NELL1: variants seen among roughly 807,000 people sequenced by gnomAD.
NELL1 encodes protein kinase C-binding protein NELL1.
Under a neutral mutation model 107.4 loss-of-function variants are expected in NELL1, and 76 were observed. That is an observed-to-expected ratio of 0.71 (90% CI 0.59 to 0.86). The LOEUF (loss-of-function observed/expected upper bound fraction) is 0.86, where lower values mean the gene tolerates loss of function less well. Among genes scored for constraint, NELL1 ranks in the 40% least tolerant of loss-of-function variants. The pLI is 0.00. For synonymous variants in NELL1, 353 were observed against 341.2 expected (o/e 1.03, Z -0.38); for missense variants, 1,024 against 1,005.5 (o/e 1.02, Z -0.25).
intron 14 of NELL1, among the ~76,000 whole-genome samples, chr11:21,326,854 A>C (rs1246172241): frequency 6.6e-6 from 1 of 151,936 alleles, no homozygotes; most frequent in Non-Finnish European, 1.5e-5. Flanking sequence ...TTGGATGGTT[A>C]ATCTATTTGC....
At chr11:21,097,584 G>A (rs1854679115) in intron 12 of NELL1, among the ~76,000 whole-genome samples, 1 of 152,054 alleles carries the variant, frequency 6.6e-6, no homozygotes, top group African/African-American at 2.4e-5. Context: ...GCAATTTCGG[G>A]GGAACAATGG....
At chr11:21,437,209 T>C (rs1327128500) in intron 15 of NELL1, among the ~76,000 whole-genome samples, 1 of 152,218 alleles carries the variant, frequency 6.6e-6, no homozygotes, top group East Asian at 1.9e-4. Flanking sequence ...CAAAGTGGAA[T>C]GTTGAAGTTT....
intron 2 of NELL1, among the ~76,000 whole-genome samples, chr11:20,776,180 G>A (rs561162732): frequency 6.6e-6 from 1 of 152,310 alleles, no homozygotes; most frequent in South Asian, 2.1e-4. Flanking sequence ...GCTCATGCTT[G>A]TAATCCCGGC....
At chr11:20,675,908 C>T (rs910368728) in intron 1 of NELL1, among the ~76,000 whole-genome samples, 46 of 151,992 alleles carry the variant, frequency 3.0e-4, no homozygotes, top group African/African-American at 1.1e-3. Flanking sequence ...CCACCATGCC[C>T]GGCTAATTTT....
At chr11:21,241,436 T>C (rs1565126636) in intron 14 of NELL1, among the ~76,000 whole-genome samples, 1 of 152,136 alleles carries the variant, frequency 6.6e-6, no homozygotes, top group African/African-American at 2.4e-5. Context: ...CTTAAATAGA[T>C]CTGTTACCTT....
chr11:20,688,164 C>T (rs1004438356), intron 2 of NELL1, among the ~76,000 whole-genome samples: 2 of 151,608 alleles, frequency 1.3e-5, no homozygotes, highest in Non-Finnish European at 2.9e-5. Flanking sequence ...GTTATAGAGG[C>T]TACTATGAGA....
intron 15 of NELL1, among the ~76,000 whole-genome samples, chr11:21,501,387 T>C (rs1855136918): frequency 1.3e-5 from 2 of 152,214 alleles, no homozygotes; most frequent in Non-Finnish European, 2.9e-5. Flanking sequence ...GTGTTTGTCA[T>C]CTGAAGCTTA....
intron 18 of NELL1, 31 bp downstream of exon 18, chr11:21,570,971 C>G (rs750375822): frequency 1.3e-6 from 2 of 1,591,664 alleles, no homozygotes; most frequent in African/African-American, 2.7e-5. Flanking sequence ...AGGTGTTGAG[C>G]CTTTACTCTG....
chr11:20,857,647 A>C (rs1417517970), intron 4 of NELL1, among the ~76,000 whole-genome samples: 1 of 152,234 alleles, frequency 6.6e-6, no homozygotes, highest in African/African-American at 2.4e-5. Flanking sequence ...TTCTGACTGC[A>C]CTGTGGGAAG....
chr11:21,009,179 A>G (rs1852393818), intron 12 of NELL1, among the ~76,000 whole-genome samples: 1 of 152,124 alleles, frequency 6.6e-6, no homozygotes, highest in Non-Finnish European at 1.5e-5. Context: ...CTCCAGCATA[A>G]TTCCTGGAAC....
intron 15 of NELL1, among the ~76,000 whole-genome samples, chr11:21,386,236 G>C (rs1187239237): frequency 7.0e-6 from 1 of 142,032 alleles, no homozygotes. Context: ...TATTAACCCA[G>C]AGTGTCTCCA....
intron 13 of NELL1, among the ~76,000 whole-genome samples, chr11:21,211,480 A>C (rs937869047): frequency 2.0e-5 from 3 of 152,180 alleles, no homozygotes; most frequent in African/African-American, 7.2e-5. Flanking sequence ...TTTTAAGACC[A>C]ATGGGAAGTA....
At position 21,376,682 on chromosome 11, in the gene NELL1, G is replaced by A. The variant is rs550164691; in HGVS notation, c.1645+5734G>A. On this transcript the variant is annotated intron_variant, in intron 15 of 19. Coordinates refer to ENST00000357134, the MANE Select transcript of NELL1 (RefSeq NM_006157.5). ...TGATATTGATTCTTCCAATCCATGAGCATGGAATGTTTTTCCATTTGTTTG... is the reference window on the plus strand; with the variant it reads ...TGATATTGATTCTTCCAATCCATGAACATGGAATGTTTTTCCATTTGTTTG... 2.6e-5 allele frequency among the ~76,000 whole-genome samples: 4 copies of A among 152,168 alleles called. No homozygotes were observed. The East Asian group carries it at 7.7e-4, about 29-fold the overall frequency.
At chr11:20,986,309 G>A (rs988816779) in intron 12 of NELL1, among the ~76,000 whole-genome samples, 2 of 152,118 alleles carry the variant, frequency 1.3e-5, no homozygotes, top group Non-Finnish European at 2.9e-5. Context: ...TCCAGGTCCC[G>A]TTCTCTCCCA....
intron 2 of NELL1, among the ~76,000 whole-genome samples, chr11:20,688,242 T>G (rs1854358420): frequency 6.6e-6 from 1 of 152,156 alleles, no homozygotes; most frequent in Non-Finnish European, 1.5e-5. Flanking sequence ...ATTTCAACTT[T>G]TATTTTAGAT....
chr11:21,432,197 C>A (rs1473903289), intron 15 of NELL1, among the ~76,000 whole-genome samples: 1 of 151,812 alleles, frequency 6.6e-6, no homozygotes, highest in Non-Finnish European at 1.5e-5. Flanking sequence ...ATAGCACATA[C>A]TATACATATT....
chr11:21,172,841 G>C (rs1184360342), intron 13 of NELL1, among the ~76,000 whole-genome samples: 1 of 151,734 alleles, frequency 6.6e-6, no homozygotes, highest in African/African-American at 2.4e-5. Context: ...GGGTAAAGAA[G>C]TGGAGGAAAA....
intron 13 of NELL1, among the ~76,000 whole-genome samples, chr11:21,161,220 GTCA>G (rs1856361078): frequency 6.6e-6 from 1 of 151,900 alleles, no homozygotes; most frequent in South Asian, 2.1e-4. Flanking sequence ...ATTTCTTTTG[GTCA>G]TCATTTCTCT....
chr11:21,170,124 C>A, intron 13 of NELL1: 3 of 713,104 alleles, frequency 4.2e-6, no homozygotes, highest in South Asian at 1.7e-5. Flanking sequence ...CCCTTCAGGT[C>A]CACTTTGTTC....
Sources: gnomAD v4.1 joint callset for allele counts (sites outside exome capture counted in the v4.1 genomes callset) on GRCh38, gnomAD v4.1.1 for gene constraint, MANE v1.5 for transcripts, NCBI Gene and HGNC (gene_info 2026-07-23, HGNC 2026-07-21) for gene names.